Variants in OPRD1 observed in about 807,000 individuals in gnomAD.
OPRD1 encodes the protein opioid receptor delta 1.
In OPRD1, 19 loss-of-function variants were observed where a neutral mutation model predicts 17.5. The ratio of observed to expected loss-of-function variants is 1.09; its 90% CI spans 0.76 to 1.60. OPRD1 has a LOEUF of 1.60. Ranked by LOEUF, OPRD1 falls within the 40% of genes most tolerant of loss-of-function variation. OPRD1 has a pLI of 0.00. For missense variants in OPRD1, 483 were observed against 547.2 expected (o/e 0.88, Z 1.17); for synonymous variants, 256 against 240.9 (o/e 1.06, Z -0.58).
At chr1:28,843,377 G>A (rs550391561) in intron 1 of OPRD1, among the ~76,000 whole-genome samples, 22 of 152,180 alleles carry the variant, frequency 1.4e-4, no homozygotes, top group African/African-American at 4.6e-4. Flanking sequence ...ACAACCGTTC[G>A]TCTCCAGAAG....
intron 1 of OPRD1, among the ~76,000 whole-genome samples, chr1:28,825,777 C>T (rs907828229): frequency 6.6e-6 from 1 of 152,244 alleles, no homozygotes; most frequent in African/African-American, 2.4e-5. Context: ...GGGACAAGGC[C>T]AACAGCAGGG....
chr1:28,843,059 C>T (rs1038540900), intron 1 of OPRD1, among the ~76,000 whole-genome samples: 4 of 151,970 alleles, frequency 2.6e-5, no homozygotes, highest in Non-Finnish European at 4.4e-5. Context: ...GTATGCTGCA[C>T]GCTTTCACAC....
Position 28,812,594 on chromosome 1 carries a change from A to T in OPRD1, c.211A>T (p.Met71Leu). 1.3e-6 allele frequency: 2 copies of T among 1,543,542 alleles called. No homozygotes were observed. The highest frequency in any genetic ancestry group is 1.2e-5 in the South Asian group (1 of 85,456). The change falls in exon 1 of 3, where the codon ATG becomes TTG. Residue 71 changes from methionine (M) to leucine (L), a missense_variant. By Grantham distance (15) the Met-to-Leu change is conservative (BLOSUM62 2). Coordinates refer to ENST00000234961, the MANE Select transcript of OPRD1 (RefSeq NM_000911.4). ...AVGLLGNVLV[M>L]FGIVRYTKMK... ...GGGGCTGCTGGGCAACGTGCTTGTC[A>T]TGTTCGGCATCGTCCGGTGAGTCCG...
chr1:28,855,585 G>A lies in OPRD1; in HGVS notation c.228-3369G>A, dbSNP rs894526377. Among the ~76,000 whole-genome samples the A allele has an allele frequency of 7.9e-5, 12 of 152,286 alleles. No homozygotes were observed. In the South Asian group the frequency reaches 8.3e-4, roughly 11 times the overall value. ...AGGGGGGCCGTGAGGAGAGGAGCCCGGGGCCCTACCTGGCGGGCAATCAGC... is the reference window on the plus strand; with the variant it reads ...AGGGGGGCCGTGAGGAGAGGAGCCCAGGGCCCTACCTGGCGGGCAATCAGC... On this transcript the variant is annotated intron_variant, in intron 1 of 2. Coordinates refer to ENST00000234961, the MANE Select transcript of OPRD1 (RefSeq NM_000911.4).
intron 1 of OPRD1, among the ~76,000 whole-genome samples, chr1:28,858,548 T>TA (rs2147750095): frequency 6.6e-6 from 1 of 150,694 alleles, no homozygotes; most frequent in African/African-American, 2.4e-5. Context: ...CCAACCCTTT[T>TA]TTTTTTTTTT....
rs767357178 is a variant in OPRD1, at chr1:28,862,951, G to T, written c.787G>T (p.Val263Leu). 30 of 1,612,656 alleles carry T rather than the reference G, an allele frequency of 1.9e-5. No homozygotes were observed. The highest frequency in any genetic ancestry group is 2.5e-5 in the Non-Finnish European group (29 of 1,179,594). Residue 263 changes from valine (V) to leucine (L), a missense_variant, in exon 3 of 3, where the codon GTG becomes TTG. Coordinates refer to ENST00000234961, the MANE Select transcript of OPRD1 (RefSeq NM_000911.4). ...CAGCCTGCGGCGCATCACGCGCATG[G>T]TGCTGGTGGTTGTGGGCGCCTTCGT... is the stretch of plus-strand genomic sequence containing the variant. ...DRSLRRITRM[V>L]LVVVGAFVVC...
intron 1 of OPRD1, among the ~76,000 whole-genome samples, chr1:28,846,944 CCT>C: frequency 6.8e-6 from 1 of 146,906 alleles, no homozygotes; most frequent in Non-Finnish European, 1.5e-5. Context: ...TTCCTTCCTT[CCT>C]TTTCTTTCTC....
chr1:28,828,172 A>C (rs565609050), intron 1 of OPRD1, among the ~76,000 whole-genome samples: 2 of 152,320 alleles, frequency 1.3e-5, no homozygotes, highest in Non-Finnish European at 1.5e-5. Flanking sequence ...TAAAACTTAA[A>C]GGTTAAAATT....
At chr1:28,862,650 C>A in intron 2 of OPRD1, 92 bp from the exon 3 acceptor site, 1 of 1,282,448 alleles carries the variant, frequency 7.8e-7, no homozygotes, top group Non-Finnish European at 1.1e-6. Context: ...GTGGGACTTG[C>A]CCAAGCCTTG....
intron 1 of OPRD1, among the ~76,000 whole-genome samples, chr1:28,844,435 C>T (rs545324361): frequency 8.9e-4 from 136 of 151,984 alleles, no homozygotes; most frequent in African/African-American, 3.0e-3. Context: ...GGACTACAAG[C>T]GCATGTCACC....
In OPRD1 at chr1:28,870,188, A is replaced by G. The variant is rs376956924; in HGVS notation, c.*6905A>G. On this transcript the variant is annotated 3_prime_UTR_variant, in exon 3 of 3. Transcript: ENST00000234961. ...TGCCCAATAAAATGCAGCTTTTTTC[A>G]TATTATCTAATGTTTTAGGCCATGC... 1 of 150,820 alleles carries G rather than the reference A, an allele frequency of 6.6e-6. No homozygotes were observed. Among genetic ancestry groups the G allele is most frequent in the African/African-American group, 2.4e-5 (1 of 41,062 alleles). 9.3% of individuals were successfully genotyped at this position (150,820 alleles called of 1,614,324 possible).
chr1:28,813,168 C>G (rs941026380), intron 1 of OPRD1, among the ~76,000 whole-genome samples: 7 of 152,202 alleles, frequency 4.6e-5, no homozygotes, highest in African/African-American at 7.2e-5. Flanking sequence ...GTGATTCTGT[C>G]TGAATGTAAC....
rs1190446073 is a variant in OPRD1 at position 28,847,019 on chromosome 1, G to GTCCCCTTTCCTGTCCCCTTTCCTT, written c.228-11907_228-11884dup. ...TTCCTTTCCCTTCCTTTCCTTTCCT[G>GTCCCCTTTCCTGTCCCCTTTCCTT]TCCCCTTTCCTGTCCCCTTTCCTTT... On this transcript the variant is annotated intron_variant, in intron 1 of 2. Coordinates refer to ENST00000234961, the MANE Select transcript of OPRD1 (RefSeq NM_000911.4). Among the ~76,000 whole-genome samples the GTCCCCTTTCCTGTCCCCTTTCCTT allele has an allele frequency of 1.9e-4, 13 of 69,754 alleles. No homozygotes were observed. In the East Asian group the frequency reaches 3.8e-3, roughly 20 times the overall value. 45.8% of individuals were successfully genotyped at this position (69,754 alleles called of 152,430 possible).
At chr1:28,845,913 C>G (rs1305115567) in intron 1 of OPRD1, among the ~76,000 whole-genome samples, 1 of 152,216 alleles carries the variant, frequency 6.6e-6, no homozygotes. Context: ...GGCTTCCACA[C>G]AGTAGTCAGC....
chr1:28,833,245 G>A (rs1231673385), intron 1 of OPRD1, among the ~76,000 whole-genome samples: 1 of 152,214 alleles, frequency 6.6e-6, no homozygotes, highest in African/African-American at 2.4e-5. Flanking sequence ...TGACAGCAAA[G>A]CCCCCCATGT....
chr1:28,855,934 C>G (rs2089053067), intron 1 of OPRD1, among the ~76,000 whole-genome samples: 1 of 152,200 alleles, frequency 6.6e-6, no homozygotes, highest in East Asian at 1.9e-4. Context: ...AGATGCTGCC[C>G]TGGAGGACAA....
At chr1:28,840,684 G>T (rs1191727182) in intron 1 of OPRD1, among the ~76,000 whole-genome samples, 1 of 152,158 alleles carries the variant, frequency 6.6e-6, no homozygotes, top group Non-Finnish European at 1.5e-5. Context: ...CACTTTAGGA[G>T]GCCAAAGTGG....
chr1:28,816,754 G>A (rs2088674015), intron 1 of OPRD1, among the ~76,000 whole-genome samples: 1 of 152,098 alleles, frequency 6.6e-6, no homozygotes, highest in African/African-American at 2.4e-5. Context: ...GGTCCTCAGA[G>A]CAGACACCGG....
chr1:28,831,508 CAAAAA>C (rs11287279), intron 1 of OPRD1, among the ~76,000 whole-genome samples: 2 of 136,428 alleles, frequency 1.5e-5, no homozygotes. Context: ...GACTCCGTCT[CAAAAA>C]AAAAAAAAAA....
Sources: gnomAD v4.1 joint callset for allele counts (sites outside exome capture counted in the v4.1 genomes callset) on GRCh38, gnomAD v4.1.1 for gene constraint, MANE v1.5 for transcripts, NCBI Gene and HGNC (gene_info 2026-07-23, HGNC 2026-07-21) for gene names.